The following EML6 variants were observed in gnomAD, a reference collection of about 807,000 sequenced individuals.
The protein encoded by EML6 is EMAP like 6, also known as echinoderm microtubule-associated protein-like 6.
In EML6, 154 loss-of-function variants were observed where a neutral mutation model predicts 240.1. The ratio of observed to expected loss-of-function variants is 0.64; its 90% CI spans 0.56 to 0.73. EML6 has a LOEUF of 0.73. Ranked by LOEUF, EML6 falls within the 30% of genes least tolerant of loss-of-function variation. The pLI, the probability that EML6 is intolerant of heterozygous loss-of-function variation, is 0.00. For missense variants in EML6, 2,964 were observed against 2,474.6 expected (o/e 1.20, Z -4.20); for synonymous variants, 1,148 against 899.0 (o/e 1.28, Z -4.95).
chr2:54,895,603 C>T (rs1382324120), intron 21 of EML6, among the ~76,000 whole-genome samples: 2 of 152,246 alleles, frequency 1.3e-5, no homozygotes, highest in African/African-American at 4.8e-5. Context: ...CTCACAGTGT[C>T]TGTGGATCAG....
At chr2:54,933,693 C>G (rs1362846118) in intron 28 of EML6, among the ~76,000 whole-genome samples, 1 of 152,056 alleles carries the variant, frequency 6.6e-6, no homozygotes, top group Non-Finnish European at 1.5e-5. Context: ...GATGGCACTG[C>G]TGCACTCCAG....
At chr2:54,965,438 G>A (rs1676706394) in intron 38 of EML6, among the ~76,000 whole-genome samples, 2 of 152,178 alleles carry the variant, frequency 1.3e-5, no homozygotes, top group Admixed American at 1.3e-4. Context: ...TGCCTAGACA[G>A]AGCCCATTTC....
chr2:54,894,910 C>A lies in EML6; in HGVS notation c.2743-5C>A. On this transcript the variant is annotated splice_region_variant and splice_polypyrimidine_tract_variant and intron_variant, in intron 19 of 41. Transcript: ENST00000356458. Reference sequence around the variant, plus strand: ...ATATAATACCTCTCATGTGTGCCTTCACAGGGCTTTGTAACAGGTGGAAAG... The same window carrying A: ...ATATAATACCTCTCATGTGTGCCTTAACAGGGCTTTGTAACAGGTGGAAAG... The A allele has an allele frequency of 1.3e-6, 2 of 1,548,224 alleles. No homozygotes were observed. Among genetic ancestry groups the A allele is most frequent in the Non-Finnish European group, 1.7e-6 (2 of 1,144,004 alleles).
intron 24 of EML6, among the ~76,000 whole-genome samples, chr2:54,910,091 T>C (rs1673560589): frequency 1.3e-5 from 2 of 152,290 alleles, no homozygotes; most frequent in Admixed American, 6.5e-5. Flanking sequence ...GAAATTTGCT[T>C]CAAAATAATC....
At chr2:54,854,197 AT>A (rs1670247654) in intron 11 of EML6, among the ~76,000 whole-genome samples, 1 of 152,214 alleles carries the variant, frequency 6.6e-6, no homozygotes, top group South Asian at 2.1e-4. Context: ...TTCTTTTATG[AT>A]TCAGAGCTAT....
intron 2 of EML6, among the ~76,000 whole-genome samples, chr2:54,795,337 G>A (rs149042589): frequency 6.6e-6 from 1 of 152,144 alleles, no homozygotes; most frequent in African/African-American, 2.4e-5. Flanking sequence ...TGCCACACTT[G>A]AAAACCATCA....
chr2:54,881,701 G>A (rs1345803055), intron 17 of EML6: 5 of 149,808 alleles, frequency 3.3e-5, no homozygotes, highest in East Asian at 1.9e-4. Flanking sequence ...AAGCGACAAC[G>A]AAGTAATCCT....
At chr2:54,856,822 A>G (rs976314197) in intron 11 of EML6, among the ~76,000 whole-genome samples, 25 of 152,206 alleles carry the variant, frequency 1.6e-4, no homozygotes, top group Non-Finnish European at 1.9e-4. Flanking sequence ...AGCTTTTAAG[A>G]CTGTTTTGAT....
rs958410507 is a variant in EML6, at chr2:54,928,709, C to T, written c.3962C>T (p.Thr1321Ile). 3 of 1,551,462 alleles carry T rather than the reference C, an allele frequency of 1.9e-6. No individual in the cohort carries two copies. The highest frequency in any genetic ancestry group is 2.6e-6 in the Non-Finnish European group (3 of 1,146,982). Residue 1321 changes from threonine (T) to isoleucine (I), a missense_variant, in exon 28 of 42, where the codon ACC (threonine) becomes ATC (isoleucine). Thr to Ile is a moderately conservative substitution (Grantham distance 89). Transcript: ENST00000356458. ...YAVSIREMEG[T>I]KPHQQLKEVS... Reference sequence around the variant, plus strand: ...GTGAGCATCAGGGAAATGGAAGGCACCAAGCCACACCAGCAGCTGAAGGAA... The same window carrying T: ...GTGAGCATCAGGGAAATGGAAGGCATCAAGCCACACCAGCAGCTGAAGGAA...
At chr2:54,958,572 A>G (rs1400735265) in intron 33 of EML6, among the ~76,000 whole-genome samples, 1 of 152,098 alleles carries the variant, frequency 6.6e-6, no homozygotes, top group Non-Finnish European at 1.5e-5. Flanking sequence ...TCTAAAGGCA[A>G]CCCTGAGTTG....
intron 2 of EML6, among the ~76,000 whole-genome samples, chr2:54,804,784 C>A (rs373438451): frequency 6.6e-6 from 1 of 152,216 alleles, no homozygotes; most frequent in Non-Finnish European, 1.5e-5. Context: ...CAGGACTGTT[C>A]TCTCTGGTGG....
chr2:54,759,692 A>G (rs1393390097), intron 2 of EML6, among the ~76,000 whole-genome samples: 8 of 152,114 alleles, frequency 5.3e-5, no homozygotes, highest in Non-Finnish European at 1.2e-4. Context: ...TTATACCAAC[A>G]CATCTTCATC....
At chr2:54,838,942 T>C (rs1185382715) in intron 7 of EML6, among the ~76,000 whole-genome samples, 1 of 152,216 alleles carries the variant, frequency 6.6e-6, no homozygotes, top group Non-Finnish European at 1.5e-5. Context: ...TTCTCCTGTT[T>C]CTCTTAACTA....
intron 12 of EML6, among the ~76,000 whole-genome samples, chr2:54,861,773 T>G (rs373545665): frequency 1.2e-3 from 119 of 98,414 alleles, no homozygotes; most frequent in African/African-American, 3.7e-3. Context: ...TTTTTTGTTT[T>G]TTTTTTTTTT....
intron 2 of EML6, among the ~76,000 whole-genome samples, chr2:54,775,118 T>A (rs1334634944): frequency 2.0e-5 from 3 of 152,222 alleles, no homozygotes; most frequent in Non-Finnish European, 4.4e-5. Flanking sequence ...CAGTTCCCAC[T>A]TTTTGCTCCA....
chr2:54,847,450 G>T (rs1449459278), intron 8 of EML6, 36 bp from the exon 9 acceptor site: 1 of 1,542,834 alleles, frequency 6.5e-7, no homozygotes, highest in South Asian at 1.2e-5. Context: ...ATGGGAAGTT[G>T]GTTTTGTTTT....
intron 2 of EML6, among the ~76,000 whole-genome samples, chr2:54,811,590 G>GT (rs35687783): frequency 0.16 from 24,198 of 152,170 alleles, 2,310 homozygotes; most frequent in Non-Finnish European, 0.21. Flanking sequence ...TGTGATTTCT[G>GT]TTTATATGTC....
rs372736401 is a variant in EML6, at chr2:54,869,323, A to G, written c.2194A>G (p.Ser732Gly). Residue 732 changes from serine (S) to glycine (G), a missense_variant, in exon 15 of 42, where the codon AGC becomes GGC. Physicochemically the swap from Ser to Gly is moderately conservative, Grantham distance 56. Transcript: ENST00000356458. ...LYLGHDDDIL[S>G]LTIHPVKDYV... The stretch of plus-strand genomic sequence containing the variant: ...CCTGGGGCACGATGACGACATTCTC[A>G]GCCTGACCATCCATCCAGTGAAGGA... 191 of 1,551,664 alleles carry G rather than the reference A, an allele frequency of 1.2e-4. No individual in the cohort carries two copies. The African/African-American group carries it at 2.4e-3, about 20-fold the overall frequency.
In EML6 at chr2:54,781,490, A is replaced by G. The variant is rs1357959213; in HGVS notation, c.198-31742A>G. ...GACACTTGCCCAAATTATGGCAGTC[A>G]CCCTCTACTTCACCTGAGTGAAAAT... On this transcript the variant is annotated intron_variant, in intron 2 of 41. Transcript: ENST00000356458. Among the ~76,000 whole-genome samples, 3 of 152,176 alleles carry G rather than the reference A, an allele frequency of 2.0e-5. No homozygotes were observed. In the East Asian group the frequency reaches 5.8e-4, roughly 29 times the overall value.
Sources: allele counts gnomAD v4.1 joint callset (sites outside exome capture counted in the v4.1 genomes callset), GRCh38; gene constraint gnomAD v4.1.1; transcripts MANE v1.5; gene names NCBI Gene and HGNC (gene_info 2026-07-23, HGNC 2026-07-21).